Variants in ZNF496 observed in about 807,000 individuals in gnomAD.
ZNF496 encodes the protein NSD1 (nuclear receptor binding SET-domain containing 1)-interacting zinc finger protein 1.
ZNF496 carries 11 observed loss-of-function variants against 58.9 expected under a neutral mutation model. The ratio of observed to expected loss-of-function variants is 0.19; its 90% confidence interval spans 0.12 to 0.31. The LOEUF (loss-of-function observed/expected upper bound fraction) is 0.31, where lower values mean the gene tolerates loss of function less well. Among genes scored for constraint, ZNF496 ranks in the 10% least tolerant of loss-of-function variants. ZNF496 has a pLI of 1.00. For synonymous variants in ZNF496, 338 were observed against 318.2 expected (o/e 1.06, Z -0.66); for missense variants, 660 against 783.0 (o/e 0.84, Z 1.88).
rs146701369 is a variant in ZNF496, at chr1:247,323,721, C to T, written c.575-491G>A. ...GAGAATCACTTGAGCCCAGGAGTTC[C>T]AGACCAGCAGGGACAACACAGAGTA... On this transcript the variant is annotated intron_variant, in intron 5 of 9. Coordinates refer to ENST00000682384, the MANE Select transcript of ZNF496 (RefSeq NM_032752.3). Among the ~76,000 whole-genome samples the T allele has an allele frequency of 2.0e-3, 293 of 149,274 alleles. 1 individual carries two copies. The highest frequency in any genetic ancestry group is 6.8e-3 in the African/African-American group (275 of 40,512).
In ZNF496 at chr1:247,329,136, A is replaced by C. The variant is rs1660234470; in HGVS notation, c.390+53T>G. Reference sequence around the variant, plus strand: ...AGCCAGCACATGCATGGCCCAGCCAAAGTGTCTAAGTACCAGATCTCTACC... The same window carrying C: ...AGCCAGCACATGCATGGCCCAGCCACAGTGTCTAAGTACCAGATCTCTACC... On this transcript the variant is annotated intron_variant, in intron 4 of 9. Coordinates refer to ENST00000682384, the MANE Select transcript of ZNF496 (RefSeq NM_032752.3). This position sits in a 1 kb window ranked among gnomAD's most constrained non-coding sequence, Gnocchi z 5.5. 1 of 1,611,548 alleles carries C rather than the reference A, an allele frequency of 6.2e-7. No individual in the cohort carries two copies.
At chr1:247,326,083 C>CAT (rs199857561) in intron 5 of ZNF496, among the ~76,000 whole-genome samples, 5 of 148,380 alleles carry the variant, frequency 3.4e-5, no homozygotes, top group East Asian at 2.0e-4. Context: ...CACACACACA[C>CAT]ATATATACAC....
At chr1:247,330,249 C>T (rs1353543450) in intron 2 of ZNF496, among the ~76,000 whole-genome samples, 168 bp from the exon 3 acceptor site, 2 of 152,184 alleles carry the variant, frequency 1.3e-5, no homozygotes, top group Non-Finnish European at 2.9e-5. Flanking sequence ...GAAAACATCA[C>T]ATGAGACAGC....
chr1:247,329,705 C>A lies in ZNF496; in HGVS notation c.-37-90G>T. ...GTGACAAGGAAACTGTCAATGCCCT[C>A]AGAGACCAGCCCTTTGGAGAAGCCC... On this transcript the variant is annotated intron_variant, in intron 3 of 9. Transcript: ENST00000682384. The surrounding 1 kb of genome is among the most constrained non-coding windows in gnomAD (Gnocchi z 5.5). 5.6e-6 allele frequency: 7 copies of A among 1,239,080 alleles called. No homozygotes were observed. Among genetic ancestry groups the A allele is most frequent in the Non-Finnish European group, 7.8e-6 (7 of 902,802 alleles). The allele number at this position is 1,239,080 out of a possible 1,614,324, so 76.8% of individuals were successfully genotyped here. A position where few individuals can be genotyped will look rare whatever the true frequency, so the allele number is the denominator to read the frequency against.
At chr1:247,324,552 G>C (rs1441442868) in intron 5 of ZNF496, among the ~76,000 whole-genome samples, 1 of 151,150 alleles carries the variant, frequency 6.6e-6, no homozygotes, top group East Asian at 1.9e-4. Flanking sequence ...TAAGAGACTG[G>C]TCTCACTAGG....
Position 247,308,680 on chromosome 1 carries a change from C to G in ZNF496, c.893-92G>C. ...ATCCGAATAGATGCCAGGCTACGAT[C>G]TGGGGGCGGCCCTGGGCTCCGTCCT... On this transcript the variant is annotated intron_variant, in intron 8 of 9. Coordinates refer to ENST00000682384, the MANE Select transcript of ZNF496 (RefSeq NM_032752.3). The surrounding 1 kb of genome is among the most constrained non-coding windows in gnomAD (Gnocchi z 4.5). 1 of 1,247,078 alleles carries G rather than the reference C, an allele frequency of 8.0e-7. No homozygotes were observed. The highest frequency in any genetic ancestry group is 1.3e-5 in the South Asian group (1 of 77,578). The allele number at this position is 1,247,078 out of a possible 1,614,324, so 77.3% of individuals were successfully genotyped here.
chr1:247,308,675 A>G lies in ZNF496; in HGVS notation c.893-87T>C, dbSNP rs1457270365. 4 of 1,306,364 alleles carry G rather than the reference A, an allele frequency of 3.1e-6. No individual in the cohort carries two copies. Among genetic ancestry groups the G allele is most frequent in the Non-Finnish European group, 3.3e-6 (3 of 914,996 alleles). 80.9% of individuals were successfully genotyped at this position (1,306,364 alleles called of 1,614,324 possible). A position where few individuals can be genotyped will look rare whatever the true frequency, so the allele number is the denominator to read the frequency against. ...GTGCTATCCGAATAGATGCCAGGCT[A>G]CGATCTGGGGGCGGCCCTGGGCTCC... is the stretch of plus-strand genomic sequence containing the variant. On this transcript the variant is annotated intron_variant, in intron 8 of 9. Coordinates refer to ENST00000682384, the MANE Select transcript of ZNF496 (RefSeq NM_032752.3). This position sits in a 1 kb window ranked among gnomAD's most constrained non-coding sequence, Gnocchi z 4.5.
At chr1:247,327,545 C>G (rs1660170255) in intron 5 of ZNF496, among the ~76,000 whole-genome samples, 1 of 152,198 alleles carries the variant, frequency 6.6e-6, no homozygotes, top group Admixed American at 6.5e-5. Flanking sequence ...GTCTGTGGTA[C>G]TTTGTTATGG....
rs1489196320 is a variant in ZNF496, at chr1:247,328,811, T to C, written c.446A>G (p.Gln149Arg). Reference sequence around the variant, plus strand: ...CTCTACCGGCAGCTGCTCCTGCTCCTGGTCCAGAGGGCTGTCCCCATCATC... The same window carrying C: ...CTCTACCGGCAGCTGCTCCTGCTCCCGGTCCAGAGGGCTGTCCCCATCATC... ...VIDDGDSPLDQEQEQLPVEPH... is the reference protein window; with the variant it reads ...VIDDGDSPLDREQEQLPVEPH... Residue 149 changes from glutamine to arginine, a missense_variant, in exon 5 of 10, where the codon CAG becomes CGG. Transcript: ENST00000682384. 2.5e-6 allele frequency: 4 copies of C among 1,613,276 alleles called. No individual in the cohort carries two copies. In the East Asian group the frequency reaches 6.7e-5, roughly 27 times the overall value.
intron 6 of ZNF496, among the ~76,000 whole-genome samples, chr1:247,317,463 T>G (rs899237762): frequency 3.3e-5 from 5 of 152,176 alleles, no homozygotes; most frequent in Admixed American, 2.6e-4. Flanking sequence ...GAGCCTAGAC[T>G]TCCACCCTCA....
chr1:247,321,099 C>T (rs2103028541), intron 6 of ZNF496, among the ~76,000 whole-genome samples: 1 of 151,958 alleles, frequency 6.6e-6, no homozygotes, highest in East Asian at 1.9e-4. Flanking sequence ...TTGCTTGAAC[C>T]CGGGATGCGG....
intron 6 of ZNF496, among the ~76,000 whole-genome samples, chr1:247,315,060 C>CT (rs67977969): frequency 0.32 from 38,571 of 120,424 alleles, 6,370 homozygotes; most frequent in East Asian, 0.47. Flanking sequence ...CTTGACTAGT[C>CT]TTTTTTTTTT....
intron 9 of ZNF496, chr1:247,307,573 G>C (rs1659457200): frequency 2.0e-6 from 2 of 985,172 alleles, no homozygotes; most frequent in South Asian, 9.4e-5. Flanking sequence ...GAAAACCAGG[G>C]GTGGGCATCC....
intron 6 of ZNF496, among the ~76,000 whole-genome samples, chr1:247,319,368 T>C (rs1659885035): frequency 6.6e-6 from 1 of 152,172 alleles, no homozygotes; most frequent in Non-Finnish European, 1.5e-5. Flanking sequence ...AATGTAATAC[T>C]TAGAATAACC....
rs144794714 is a variant in ZNF496 at position 247,329,465 on chromosome 1, G to C, written c.114C>G (p.Pro38=). 6 of 1,609,592 alleles carry C rather than the reference G, an allele frequency of 3.7e-6. No individual in the cohort carries two copies. In the African/African-American group the frequency reaches 4.0e-5, roughly 11 times the overall value. The change falls in exon 4 of 10, where the codon CCC becomes CCG. Residue 38 remains proline (P), a synonymous_variant. Coordinates refer to ENST00000682384, the MANE Select transcript of ZNF496 (RefSeq NM_032752.3). The surrounding 1 kb of genome is among the most constrained non-coding windows in gnomAD (Gnocchi z 5.5). ...GGCGGAAGAGACGCCGAGAGGACTC[G>C]GGGCTGGGAAGCTCCCCCTGGGGGC... is the stretch of plus-strand genomic sequence containing the variant. ...NPSPQGELPS[P]ESSRRLFRRF... is the part of the protein sequence containing the mutation.
Position 247,329,700 on chromosome 1 carries a change from G to A in ZNF496, c.-37-85C>T. On this transcript the variant is annotated intron_variant, in intron 3 of 9. Coordinates refer to ENST00000682384, the MANE Select transcript of ZNF496 (RefSeq NM_032752.3). The surrounding 1 kb of genome is among the most constrained non-coding windows in gnomAD (Gnocchi z 5.5). ...GGACAGTGACAAGGAAACTGTCAAT[G>A]CCCTCAGAGACCAGCCCTTTGGAGA... 1.5e-6 allele frequency: 2 copies of A among 1,302,098 alleles called. No homozygotes were observed. Among genetic ancestry groups the A allele is most frequent in the Non-Finnish European group, 2.1e-6 (2 of 957,074 alleles). 80.7% of individuals were successfully genotyped at this position (1,302,098 alleles called of 1,614,324 possible).
At chr1:247,305,829 C>T (rs1399731629) in intron 9 of ZNF496, among the ~76,000 whole-genome samples, 2 of 152,204 alleles carry the variant, frequency 1.3e-5, no homozygotes, top group Admixed American at 1.3e-4. Flanking sequence ...GTAGTCTCCC[C>T]AGCTATTTGG....
In ZNF496 at chr1:247,327,969, C is replaced by T. The variant is rs1242432066; in HGVS notation, c.574+714G>A. Among the ~76,000 whole-genome samples, 4 of 152,246 alleles carry T rather than the reference C, an allele frequency of 2.6e-5. No individual in the cohort carries two copies. The South Asian group carries it at 8.3e-4, about 32-fold the overall frequency. On this transcript the variant is annotated intron_variant, in intron 5 of 9. Coordinates refer to ENST00000682384, the MANE Select transcript of ZNF496 (RefSeq NM_032752.3). ...TGGGCACCTCAGGCCTTGTGTTCAACCTTTTGTAGGTTGTATCTCATTTAA... is the reference window on the plus strand; with the variant it reads ...TGGGCACCTCAGGCCTTGTGTTCAATCTTTTGTAGGTTGTATCTCATTTAA...
chr1:247,314,564 A>G (rs1659711143), intron 6 of ZNF496, among the ~76,000 whole-genome samples: 1 of 151,932 alleles, frequency 6.6e-6, no homozygotes. Flanking sequence ...GGAAAAAAGA[A>G]AAGTAACTCA....
Sources: allele counts gnomAD v4.1 joint callset (sites outside exome capture counted in the v4.1 genomes callset), GRCh38; gene constraint gnomAD v4.1.1; non-coding constraint Gnocchi (gnomAD v3.1); transcripts MANE v1.5; gene names NCBI Gene and HGNC (gene_info 2026-07-23, HGNC 2026-07-21).